The following CUX2 variants were observed in gnomAD, a reference collection of about 807,000 sequenced individuals.
The protein encoded by CUX2 is cut like homeobox 2.
Under a neutral mutation model 144.8 loss-of-function variants are expected in CUX2, and 40 were observed. The observed-to-expected ratio is 0.28, with a 90% confidence interval of 0.21 to 0.36. The LOEUF (loss-of-function observed/expected upper bound fraction) is 0.36, where lower values mean the gene tolerates loss of function less well. CUX2 is among the 10% of genes least tolerant of loss of function. CUX2 has a pLI of 1.00. For synonymous variants in CUX2, 827 were observed against 875.6 expected, an observed-to-expected ratio of 0.94 and a Z score of 0.98; for missense variants, 1,615 against 1,994.0, an observed-to-expected ratio of 0.81 and a Z score of 3.62.
intron 9 of CUX2, among the ~76,000 whole-genome samples, chr12:111,302,856 T>A (rs1451775201): frequency 4.9e-5 from 7 of 144,214 alleles, no homozygotes; most frequent in African/African-American, 1.8e-4. Context: ...GCCAAGATTG[T>A]GCCACTGCAC....
chr12:111,056,519 C>T (rs138729926), intron 1 of CUX2, among the ~76,000 whole-genome samples: 1 of 152,354 alleles, frequency 6.6e-6, no homozygotes, highest in African/African-American at 2.4e-5. Context: ...GTGTGTTCTC[C>T]TTTGGGCTTC....
intron 1 of CUX2, among the ~76,000 whole-genome samples, chr12:111,058,194 A>G (rs771806005): frequency 2.6e-5 from 4 of 152,232 alleles, no homozygotes; most frequent in Non-Finnish European, 5.9e-5. Context: ...GAATTTTGCA[A>G]ATTTTTCTTT....
chr12:111,044,370 C>A (rs1869898910), intron 1 of CUX2, among the ~76,000 whole-genome samples: 1 of 151,882 alleles, frequency 6.6e-6, no homozygotes, highest in Admixed American at 6.6e-5. Context: ...TCATCCTATC[C>A]CCCTCCCGTC....
At chr12:111,046,240 A>G (rs1289698517) in intron 1 of CUX2, among the ~76,000 whole-genome samples, 1 of 152,240 alleles carries the variant, frequency 6.6e-6, no homozygotes, top group Admixed American at 6.5e-5. Context: ...GGGCTTAGCA[A>G]GGCTGGGCCT....
rs907924684 is a variant in CUX2 at position 111,171,969 on chromosome 12, A to G, written c.64-42231A>G. On this transcript the variant is annotated intron_variant, in intron 1 of 21. Transcript: ENST00000261726. The surrounding 1 kb of genome is among the most constrained non-coding windows in gnomAD (Gnocchi z 5.0). Reference sequence around the variant, plus strand: ...CGTGCGTGTGTGTGCGTGCATGTGCATGCACCTGTGTGTGTGTGCATGTGC... The same window carrying G: ...CGTGCGTGTGTGTGCGTGCATGTGCGTGCACCTGTGTGTGTGTGCATGTGC... Among the ~76,000 whole-genome samples, 1 of 151,362 alleles carries G rather than the reference A, an allele frequency of 6.6e-6. No individual in the cohort carries two copies. The highest frequency in any genetic ancestry group is 1.5e-5 in the Non-Finnish European group (1 of 67,838).
intron 1 of CUX2, among the ~76,000 whole-genome samples, chr12:111,038,356 A>T (rs1869562401): frequency 1.3e-5 from 2 of 152,244 alleles, no homozygotes; most frequent in Admixed American, 1.3e-4. Context: ...GCGGAATCCT[A>T]ACTTTGGAAA....
At chr12:111,163,327 G>C (rs927782315) in intron 1 of CUX2, among the ~76,000 whole-genome samples, 2 of 152,200 alleles carry the variant, frequency 1.3e-5, no homozygotes, top group Admixed American at 1.3e-4. Context: ...TGCTTTACAG[G>C]CCGCATGGTC....
At position 111,217,808 on chromosome 12, in the gene CUX2, G is replaced by A. The variant is rs1039026744; in HGVS notation, c.175-82G>A. 6.3e-6 allele frequency: 9 copies of A among 1,421,636 alleles called. No individual in the cohort carries two copies. The African/African-American group carries it at 1.1e-4, about 18-fold the overall frequency. The allele number at this position is 1,421,636 out of a possible 1,614,324, so 88.1% of individuals were successfully genotyped here. A position where few individuals can be genotyped will look rare whatever the true frequency, so the allele number is the denominator to read the frequency against. ...ACATGCTTGGGAAATGCTGAGCCAG[G>A]GACAGCAGCGAGCTACAAGCAGGGG... is the stretch of plus-strand genomic sequence containing the variant. On this transcript the variant is annotated intron_variant, in intron 2 of 21. Coordinates refer to ENST00000261726, the MANE Select transcript of CUX2 (RefSeq NM_015267.4).
intron 1 of CUX2, among the ~76,000 whole-genome samples, chr12:111,213,848 T>C (rs568191885): frequency 1.3e-5 from 2 of 152,008 alleles, no homozygotes; most frequent in East Asian, 1.9e-4. Context: ...TTTTCTACAG[T>C]TACTGACAAG....
rs1233829616 is a variant in CUX2, at chr12:111,132,083, G to C, written c.64-82117G>C. On this transcript the variant is annotated intron_variant, in intron 1 of 21. Coordinates refer to ENST00000261726, the MANE Select transcript of CUX2 (RefSeq NM_015267.4). ...CACCCCTGCAGCAAACTTTTGCCTG[G>C]TCATCCAGGCATTTCCATACATCTT... Among the ~76,000 whole-genome samples the C allele has an allele frequency of 3.9e-5, 6 of 152,220 alleles. No individual in the cohort carries two copies. In the East Asian group the frequency reaches 1.2e-3, roughly 29 times the overall value.
chr12:111,181,600 C>G (rs941766802), intron 1 of CUX2, among the ~76,000 whole-genome samples: 6 of 152,234 alleles, frequency 3.9e-5, no homozygotes, highest in Admixed American at 3.9e-4. Flanking sequence ...CCCAGCACTG[C>G]CCGAGCCGGC....
chr12:111,092,006 C>T (rs1872585606), intron 1 of CUX2, among the ~76,000 whole-genome samples: 1 of 152,252 alleles, frequency 6.6e-6, no homozygotes, highest in African/African-American at 2.4e-5. Flanking sequence ...AGGCATGAGC[C>T]ACTGCACCCA....
intron 3 of CUX2, among the ~76,000 whole-genome samples, chr12:111,245,613 C>T (rs1883243528): frequency 6.6e-6 from 1 of 152,066 alleles, no homozygotes; most frequent in African/African-American, 2.4e-5. Flanking sequence ...GAGCGAGACC[C>T]TGTCTCAAAG....
chr12:111,329,885 C>T (rs1888013536), intron 18 of CUX2, among the ~76,000 whole-genome samples: 1 of 152,178 alleles, frequency 6.6e-6, no homozygotes, highest in African/African-American at 2.4e-5. Context: ...GATCCACCCG[C>T]GTTGGCCTTC....
chr12:111,066,709 C>T (rs904690340), intron 1 of CUX2, among the ~76,000 whole-genome samples: 2 of 152,218 alleles, frequency 1.3e-5, no homozygotes, highest in African/African-American at 2.4e-5. Flanking sequence ...GGGAACTTGA[C>T]TGCTCTAAGG....
In CUX2 at chr12:111,308,470, C is replaced by T; in HGVS notation, c.1202C>T (p.Ala401Val). 6.2e-7 allele frequency: 1 copy of T among 1,614,146 alleles called. No individual in the cohort carries two copies. Among genetic ancestry groups the T allele is most frequent in the Non-Finnish European group, 8.5e-7 (1 of 1,180,008 alleles). Residue 401 changes from alanine to valine, a missense_variant, in exon 14 of 22, where the codon GCC (alanine) becomes GTC (valine). Physicochemically the swap from Ala to Val is moderately conservative, Grantham distance 64 (BLOSUM62 0). This residue lies in a region of CUX2 where 57 missense variants were observed against 60.8 expected (regional missense o/e 0.94). Transcript: ENST00000261726. The part of the protein sequence containing the change: ...PEDSLLIAKE[A>V]FFPTQKFLLE... ...GACTCACTGCTTATTGCAAAGGAGG[C>T]CTTCTTCCCCACGCAGAAATTCCTT...
intron 1 of CUX2, among the ~76,000 whole-genome samples, chr12:111,093,980 G>C (rs1050835883): frequency 3.3e-5 from 5 of 152,204 alleles, no homozygotes; most frequent in Non-Finnish European, 5.9e-5. Flanking sequence ...GTTCGCGCCA[G>C]CAAGGAGGGG....
intron 4 of CUX2, among the ~76,000 whole-genome samples, chr12:111,265,298 ATTTTATTTTAT>A (rs1169277666): frequency 3.4e-5 from 5 of 147,056 alleles, no homozygotes; most frequent in African/African-American, 1.0e-4. Context: ...CCCCTATTTT[ATTTTATTTTAT>A]TTTTATTTTA....
At chr12:111,109,214 A>G (rs1051365473) in intron 1 of CUX2, among the ~76,000 whole-genome samples, 1 of 152,166 alleles carries the variant, frequency 6.6e-6, no homozygotes, top group Non-Finnish European at 1.5e-5. Context: ...AATTTTCTCT[A>G]CAGGGAAACC....
Sources: allele counts gnomAD v4.1 joint callset (sites outside exome capture counted in the v4.1 genomes callset), GRCh38; gene constraint gnomAD v4.1.1; regional missense constraint gnomAD v4.1.1; non-coding constraint Gnocchi (gnomAD v3.1); transcripts MANE v1.5; gene names NCBI Gene and HGNC (gene_info 2026-07-23, HGNC 2026-07-21).